FHIT: variants seen among roughly 807,000 people sequenced by gnomAD.
The protein encoded by FHIT is fragile histidine triad diadenosine triphosphatase, also known as bis(5'-adenosyl)-triphosphatase.
In FHIT, 19 loss-of-function variants were observed where a neutral mutation model predicts 17.9. The ratio of observed to expected loss-of-function variants is 1.06; its 90% CI spans 0.74 to 1.56. The LOEUF is 1.56. Ranked by LOEUF, FHIT falls within the 40% of genes most tolerant of loss-of-function variation. The pLI, the probability that FHIT is intolerant of heterozygous loss-of-function variation, is 0.00. For synonymous variants in FHIT, 81 were observed against 69.7 expected, an observed-to-expected ratio of 1.16 and a Z score of -0.81; for missense variants, 248 against 189.2, an observed-to-expected ratio of 1.31 and a Z score of -1.82.
intron 3 of FHIT, among the ~76,000 whole-genome samples, chr3:60,946,242 T>C (rs1553775781): frequency 6.6e-6 from 1 of 152,134 alleles, no homozygotes; most frequent in Non-Finnish European, 1.5e-5. Flanking sequence ...CCTGAAAAGA[T>C]AGGAAGTGGT....
intron 5 of FHIT, among the ~76,000 whole-genome samples, chr3:60,535,599 A>T (rs1384097198): frequency 6.7e-6 from 1 of 148,806 alleles, no homozygotes; most frequent in East Asian, 2.0e-4. Context: ...GTTTTTTTTT[A>T]ATAAACAGAA....
intron 7 of FHIT, among the ~76,000 whole-genome samples, chr3:60,007,811 G>C (rs1044566454): frequency 3.3e-5 from 5 of 152,136 alleles, no homozygotes; most frequent in Non-Finnish European, 7.4e-5. Flanking sequence ...TTCTTGGCAT[G>C]TGAGTAGAGG....
At chr3:60,444,431 C>G (rs2031168576) in intron 5 of FHIT, among the ~76,000 whole-genome samples, 1 of 152,116 alleles carries the variant, frequency 6.6e-6, no homozygotes, top group Non-Finnish European at 1.5e-5. Context: ...ATAGCAAAGA[C>G]TTGGAACCAA....
chr3:60,333,800 C>T (rs1244334593), intron 5 of FHIT, among the ~76,000 whole-genome samples: 1 of 152,192 alleles, frequency 6.6e-6, no homozygotes, highest in Admixed American at 6.5e-5. Flanking sequence ...AACCAACCGT[C>T]AGGCCTCCCA....
At chr3:60,862,235 G>C (rs1426356700) in intron 3 of FHIT, among the ~76,000 whole-genome samples, 1 of 151,960 alleles carries the variant, frequency 6.6e-6, no homozygotes, top group Non-Finnish European at 1.5e-5. Flanking sequence ...CTGGAGTGCG[G>C]CAGTGAGATC....
At chr3:60,441,770 T>TCACACACACA (rs1212814907) in intron 5 of FHIT, among the ~76,000 whole-genome samples, 3 of 42,554 alleles carry the variant, frequency 7.0e-5, no homozygotes, top group Non-Finnish European at 1.1e-4. Flanking sequence ...ATATATATAT[T>TCACACACACA]TATATGTATA....
At chr3:60,203,528 T>C (rs1703015837) in intron 5 of FHIT, among the ~76,000 whole-genome samples, 1 of 152,200 alleles carries the variant, frequency 6.6e-6, no homozygotes, top group Non-Finnish European at 1.5e-5. Flanking sequence ...GAAAGCTCCT[T>C]TTTGCAATTC....
chr3:61,006,386 C>G (rs1194226796), intron 3 of FHIT, among the ~76,000 whole-genome samples: 1 of 152,042 alleles, frequency 6.6e-6, no homozygotes, highest in Non-Finnish European at 1.5e-5. Context: ...ACAGCAACAT[C>G]AATGACCATA....
At chr3:60,219,690 T>C (rs13325477) in intron 5 of FHIT, among the ~76,000 whole-genome samples, 3 of 152,108 alleles carry the variant, frequency 2.0e-5, no homozygotes, top group Non-Finnish European at 4.4e-5. Flanking sequence ...CTTGGGAAAA[T>C]AAACTATCTG....
chr3:60,507,895 TACA>T (rs1331576292), intron 5 of FHIT, among the ~76,000 whole-genome samples: 1 of 152,234 alleles, frequency 6.6e-6, no homozygotes, highest in African/African-American at 2.4e-5. Context: ...GGTGTATATG[TACA>T]ACATTTTCTT....
chr3:61,246,234 C>G (rs1468223263), intron 1 of FHIT, among the ~76,000 whole-genome samples: 1 of 152,110 alleles, frequency 6.6e-6, no homozygotes, highest in Admixed American at 6.5e-5. Context: ...AGGACTGCTC[C>G]GTCTATGGAG....
At chr3:60,896,419 C>T (rs942500647) in intron 3 of FHIT, among the ~76,000 whole-genome samples, 2 of 152,094 alleles carry the variant, frequency 1.3e-5, no homozygotes, top group Non-Finnish European at 2.9e-5. Flanking sequence ...AATCTCCATC[C>T]AATAGCTCAG....
rs766397986 is a variant in FHIT at position 59,748,171 on chromosome 3, A to C, written c.*1414T>G. ...TGTTTATTTTTATGCTTAACTTCTA[A>C]TTACAGGTAGTACTTGTTTTTCTTT... On this transcript the variant is annotated 3_prime_UTR_variant, in exon 10 of 10. Coordinates refer to ENST00000492590, the MANE Select transcript of FHIT (RefSeq NM_002012.4). Among the ~76,000 whole-genome samples the C allele has an allele frequency of 6.6e-6, 1 of 152,076 alleles. No individual in the cohort carries two copies. The highest frequency in any genetic ancestry group is 1.5e-5 in the Non-Finnish European group (1 of 68,018).
chr3:61,016,236 A>T (rs1379912125), intron 3 of FHIT, among the ~76,000 whole-genome samples: 1 of 152,220 alleles, frequency 6.6e-6, no homozygotes, highest in Non-Finnish European at 1.5e-5. Context: ...AGGGAGGAGA[A>T]GTGGAGGAAA....
At chr3:60,245,707 A>G (rs1426518955) in intron 5 of FHIT, among the ~76,000 whole-genome samples, 1 of 152,116 alleles carries the variant, frequency 6.6e-6, no homozygotes, top group Non-Finnish European at 1.5e-5. Flanking sequence ...GTGGAATTAC[A>G]CAAGTGGGCA....
At chr3:60,890,193 A>G (rs1705437473) in intron 3 of FHIT, among the ~76,000 whole-genome samples, 1 of 144,128 alleles carries the variant, frequency 6.9e-6, no homozygotes, top group Non-Finnish European at 1.5e-5. Flanking sequence ...CTACTTTGAA[A>G]CTTTCCAAAA....
In FHIT at chr3:60,744,270, A is replaced by AAAAAAAAAC. The variant is rs2042307778; in HGVS notation, c.-18+77648_-18+77649insGTTTTTTTT. ...GTAAAAAAAAAAACAAAACAAAACA[A>AAAAAAAAAC]AAAAAAAAAAAAACAGAAAGAAAAG... On this transcript the variant is annotated intron_variant, in intron 4 of 9. Transcript: ENST00000492590. 3.5e-3 allele frequency among the ~76,000 whole-genome samples: 78 copies of AAAAAAAAAC among 22,508 alleles called. 1 individual carries two copies. The highest frequency in any genetic ancestry group is 6.5e-3 in the African/African-American group (33 of 5,090). 14.8% of individuals were successfully genotyped at this position (22,508 alleles called of 152,430 possible).
chr3:60,580,906 A>G (rs1182257132), intron 4 of FHIT, among the ~76,000 whole-genome samples: 1 of 152,020 alleles, frequency 6.6e-6, no homozygotes, highest in African/African-American at 2.4e-5. Flanking sequence ...GTACTTGGCA[A>G]TTGTAGATTA....
intron 5 of FHIT, among the ~76,000 whole-genome samples, chr3:60,210,531 CA>C (rs999767393): frequency 7.1e-3 from 2 of 280 alleles, no homozygotes; most frequent in African/African-American, 0.031. Flanking sequence ...CCCCAATATA[CA>C]CCAGGGCTGC....
Sources: allele counts gnomAD v4.1 joint callset (sites outside exome capture counted in the v4.1 genomes callset), GRCh38; gene constraint gnomAD v4.1.1; transcripts MANE v1.5; gene names NCBI Gene and HGNC (gene_info 2026-07-23, HGNC 2026-07-21).